Variants in SLC44A5 observed in about 807,000 individuals in gnomAD.
SLC44A5 encodes the protein choline transporter-like protein 5.
In SLC44A5, 57 loss-of-function variants were observed where a neutral mutation model predicts 101.8. The ratio of observed to expected loss-of-function variants is 0.56; its 90% CI spans 0.45 to 0.70. SLC44A5 has a LOEUF of 0.70. Ranked by LOEUF, SLC44A5 falls within the 30% of genes least tolerant of loss-of-function variation. The pLI, the probability that SLC44A5 is intolerant of heterozygous loss-of-function variation, is 0.00. For synonymous variants in SLC44A5, 281 were observed against 290.9 expected, an observed-to-expected ratio of 0.97 and a Z score of 0.35; for missense variants, 737 against 853.1, an observed-to-expected ratio of 0.86 and a Z score of 1.70.
At chr1:75,212,378 G>C (rs1461502608) in intron 22 of SLC44A5, among the ~76,000 whole-genome samples, 1 of 151,972 alleles carries the variant, frequency 6.6e-6, no homozygotes, top group African/African-American at 2.4e-5. Flanking sequence ...AGTGTCTGCT[G>C]TTTCCCCCTT....
chr1:75,318,346 C>G (rs886927321), intron 4 of SLC44A5, among the ~76,000 whole-genome samples: 2 of 148,976 alleles, frequency 1.3e-5, no homozygotes, highest in African/African-American at 5.0e-5. Flanking sequence ...CATTGCACTC[C>G]AGCCTGGGCA....
chr1:75,441,218 G>T (rs1233312747), intron 2 of SLC44A5, among the ~76,000 whole-genome samples: 2 of 152,116 alleles, frequency 1.3e-5, no homozygotes, highest in African/African-American at 4.8e-5. Flanking sequence ...CTCAAGGGAA[G>T]TGTAAATGAC....
the SLC44A5 span, among the ~76,000 whole-genome samples, chr1:75,693,169 C>A: frequency 6.6e-6 from 1 of 152,136 alleles, no homozygotes; most frequent in African/African-American, 2.4e-5. Flanking sequence ...GTGAAATGAT[C>A]AAATGGAGGC....
At chr1:75,666,736 C>A in the SLC44A5 span, among the ~76,000 whole-genome samples, 1 of 152,156 alleles carries the variant, frequency 6.6e-6, no homozygotes, top group Non-Finnish European at 1.5e-5. Context: ...AAAATCTTGT[C>A]CACGATCAAG....
the SLC44A5 span, among the ~76,000 whole-genome samples, chr1:75,670,784 T>C: frequency 3.3e-5 from 5 of 152,220 alleles, no homozygotes; most frequent in Non-Finnish European, 7.3e-5. Context: ...CTTGTGACTA[T>C]ACTTTGAAAT....
chr1:75,619,086 G>GC, the SLC44A5 span, among the ~76,000 whole-genome samples: 2 of 75,114 alleles, frequency 2.7e-5, no homozygotes, highest in Non-Finnish European at 5.3e-5. Context: ...AAAAGGGGGG[G>GC]GGGAAGGAAA....
the SLC44A5 span, among the ~76,000 whole-genome samples, chr1:75,662,981 T>A: frequency 5.3e-5 from 8 of 152,294 alleles, no homozygotes; most frequent in East Asian, 1.5e-3. Context: ...AGATTTCACC[T>A]GTTTATACAA....
chr1:75,280,580 C>A (rs567418011), intron 5 of SLC44A5, among the ~76,000 whole-genome samples: 2 of 146,610 alleles, frequency 1.4e-5, no homozygotes, highest in South Asian at 2.1e-4. Flanking sequence ...TATGGTCTGG[C>A]CTTGTGTCCC....
At chr1:75,515,411 C>A (rs1570495935) in intron 2 of SLC44A5, among the ~76,000 whole-genome samples, 1 of 151,862 alleles carries the variant, frequency 6.6e-6, no homozygotes, top group Non-Finnish European at 1.5e-5. Context: ...AAATTTTGTA[C>A]CTTTAACCAT....
intron 6 of SLC44A5, among the ~76,000 whole-genome samples, chr1:75,261,212 CA>C (rs1557590920): frequency 6.6e-6 from 1 of 151,882 alleles, no homozygotes; most frequent in African/African-American, 2.4e-5. Context: ...AAAAACTCTT[CA>C]AAAAATCAAT....
chr1:75,232,508 C>G (rs547869494), intron 12 of SLC44A5, among the ~76,000 whole-genome samples: 28 of 152,148 alleles, frequency 1.8e-4, no homozygotes, highest in African/African-American at 6.7e-4. Context: ...CCAGACTGAT[C>G]CACCTCTTAT....
the SLC44A5 span, among the ~76,000 whole-genome samples, chr1:75,647,620 G>A: frequency 6.6e-6 from 1 of 152,218 alleles, no homozygotes; most frequent in Non-Finnish European, 1.5e-5. Context: ...AGGCAGAGCT[G>A]CTCAAGGCCA....
At chr1:75,553,618 T>A (rs775120121) in intron 1 of SLC44A5, among the ~76,000 whole-genome samples, 12 of 152,184 alleles carry the variant, frequency 7.9e-5, no homozygotes, top group Non-Finnish European at 1.5e-4. Flanking sequence ...AAGAAAGGTA[T>A]GTCAATAAAA....
At chr1:75,263,500 G>T (rs557384643) in intron 6 of SLC44A5, among the ~76,000 whole-genome samples, 1 of 152,276 alleles carries the variant, frequency 6.6e-6, no homozygotes, top group Admixed American at 6.5e-5. Flanking sequence ...GAGAGGATGT[G>T]GAGAAATAGG....
the SLC44A5 span, among the ~76,000 whole-genome samples, chr1:75,619,079 AG>A: frequency 0.41 from 39,952 of 96,402 alleles, 7,029 homozygotes; most frequent in African/African-American, 0.44. Context: ...TCAAAAAAAA[AG>A]GGGGGGGGGA....
chr1:75,430,860 C>A (rs922159688), intron 2 of SLC44A5, among the ~76,000 whole-genome samples: 2 of 152,172 alleles, frequency 1.3e-5, no homozygotes, highest in African/African-American at 4.8e-5. Flanking sequence ...CCTCTGGGCT[C>A]CAACCAGATT....
chr1:75,208,842 C>T (rs1205506974), intron 23 of SLC44A5, among the ~76,000 whole-genome samples: 2 of 152,158 alleles, frequency 1.3e-5, no homozygotes, highest in South Asian at 2.1e-4. Flanking sequence ...AATCTCAGTA[C>T]CTTGTAATAA....
chr1:75,672,410 C>G, the SLC44A5 span, among the ~76,000 whole-genome samples: 1 of 151,974 alleles, frequency 6.6e-6, no homozygotes, highest in Non-Finnish European at 1.5e-5. Context: ...TTAGACCAGC[C>G]CTAGCCAGAG....
At chr1:75,309,099 T>A (rs1655113341) in intron 4 of SLC44A5, among the ~76,000 whole-genome samples, 1 of 152,236 alleles carries the variant, frequency 6.6e-6, no homozygotes. Context: ...CTGCACTGTT[T>A]ATAATAAAGA....
Sources: allele counts gnomAD v4.1 joint callset (sites outside exome capture counted in the v4.1 genomes callset), GRCh38; gene constraint gnomAD v4.1.1; transcripts MANE v1.5; gene names NCBI Gene and HGNC (gene_info 2026-07-23, HGNC 2026-07-21).